Variants in LIN54 observed in about 807,000 individuals in gnomAD.
LIN54 encodes lin-54 DREAM MuvB core complex component, also known as protein lin-54 homolog.
LIN54 carries 9 observed loss-of-function variants against 78.7 expected under a neutral mutation model. The ratio of observed to expected loss-of-function variants is 0.11; its 90% CI spans 0.07 to 0.20. LIN54 has a LOEUF of 0.20. Ranked by LOEUF, LIN54 falls within the 10% of genes least tolerant of loss-of-function variation. The pLI is 1.00. For synonymous variants in LIN54, 269 were observed against 318.4 expected (o/e 0.84, Z 1.65); for missense variants, 573 against 889.9 (o/e 0.64, Z 4.53).
At chr4:82,989,807 A>C (rs1438552326) in intron 1 of LIN54, among the ~76,000 whole-genome samples, 2 of 152,182 alleles carry the variant, frequency 1.3e-5, no homozygotes, top group African/African-American at 4.8e-5. Context: ...CAGCTCAACC[A>C]AACTTCTAAG....
At chr4:82,969,391 T>C (rs542612940) in intron 4 of LIN54, among the ~76,000 whole-genome samples, 1 of 152,220 alleles carries the variant, frequency 6.6e-6, no homozygotes, top group Admixed American at 6.5e-5. Flanking sequence ...CTTATCTTAT[T>C]CATGTTTTAT....
chr4:82,968,724 A>C (rs980726862), intron 4 of LIN54, among the ~76,000 whole-genome samples: 2 of 152,210 alleles, frequency 1.3e-5, no homozygotes, highest in Non-Finnish European at 2.9e-5. Flanking sequence ...AACTGCAGCC[A>C]AGGTTGAGAA....
Position 82,938,393 on chromosome 4 carries a change from C to G in LIN54, c.1532+20G>C. The G allele has an allele frequency of 7.5e-7, 1 of 1,340,084 alleles. No homozygotes were observed. The highest frequency in any genetic ancestry group is 1.1e-6 in the Non-Finnish European group (1 of 931,916). 83.0% of individuals were successfully genotyped at this position (1,340,084 alleles called of 1,614,324 possible). A position where few individuals can be genotyped will look rare whatever the true frequency, so the allele number is the denominator to read the frequency against. On this transcript the variant is annotated intron_variant, in intron 8 of 12. Transcript: ENST00000340417. ...TTAAGCTGATCTAACAACTTATGTA[C>G]CTATTTTCAAAATACTCACCCATTG...
At position 82,946,370 on chromosome 4, in the gene LIN54, T is replaced by G. The variant is rs772814326; in HGVS notation, c.1056A>C (p.Gln352His). ...CATAATGAAACTTGCTTCCAGGCAC[T>G]TGAATCTGCTGGACATTGGGAGCAG... ...LATAPNVQQI[Q>H]VPGSKFHYVR... Residue 352 changes from glutamine (Q) to histidine (H), a missense_variant, in exon 5 of 13, where the codon CAA becomes CAC. This residue lies in a region of LIN54 where 199 missense variants were observed against 260.9 expected (regional missense o/e 0.76). Transcript: ENST00000340417. 6.2e-7 allele frequency: 1 copy of G among 1,614,168 alleles called. No homozygotes were observed. Among genetic ancestry groups the G allele is most frequent in the Non-Finnish European group, 8.5e-7 (1 of 1,179,990 alleles).
intron 4 of LIN54, among the ~76,000 whole-genome samples, chr4:82,947,207 T>TTATATATATA (rs1207992875): frequency 1.3e-4 from 10 of 76,216 alleles, no homozygotes; most frequent in Admixed American, 6.8e-4. Context: ...AAAAAAAAAT[T>TTATATATATA]TATATATATA....
At chr4:82,965,426 A>G (rs1246081741) in intron 4 of LIN54, among the ~76,000 whole-genome samples, 2 of 152,202 alleles carry the variant, frequency 1.3e-5, no homozygotes, top group African/African-American at 4.8e-5. Flanking sequence ...GAGTGAAAAC[A>G]GTCTGAAATT....
At chr4:82,991,199 A>C (rs1034252648) in intron 1 of LIN54, among the ~76,000 whole-genome samples, 4 of 151,830 alleles carry the variant, frequency 2.6e-5, no homozygotes, top group Admixed American at 2.0e-4. Flanking sequence ...TTGTCTCCCA[A>C]ATAACTATAT....
intron 3 of LIN54, among the ~76,000 whole-genome samples, chr4:82,978,363 C>A (rs1190276095): frequency 6.6e-6 from 1 of 152,068 alleles, no homozygotes; most frequent in African/African-American, 2.4e-5. Context: ...AATACTGAAA[C>A]CAAAAATTCA....
At chr4:82,971,015 T>C (rs556109052) in intron 3 of LIN54, among the ~76,000 whole-genome samples, 2 of 152,292 alleles carry the variant, frequency 1.3e-5, no homozygotes, top group Admixed American at 1.3e-4. Flanking sequence ...AGATTCCATA[T>C]TGTGTTCCCT....
chr4:83,000,702 T>A (rs1578655414), intron 1 of LIN54, among the ~76,000 whole-genome samples: 1 of 151,962 alleles, frequency 6.6e-6, no homozygotes, highest in East Asian at 1.9e-4. Context: ...GGAATGAACA[T>A]CAAGTCTATA....
Position 82,972,062 on chromosome 4 carries a change from G to T in LIN54, c.809-1593C>A, listed in dbSNP as rs1725700944. On this transcript the variant is annotated intron_variant, in intron 3 of 12. Coordinates refer to ENST00000340417, the MANE Select transcript of LIN54 (RefSeq NM_194282.4). The stretch of plus-strand genomic sequence containing the variant: ...AATGCCAAAGTATGCCTTTTGTTTT[G>T]TTTTGTTTTGAGACAGGGGTCTCCC... Among the ~76,000 whole-genome samples the T allele has an allele frequency of 3.3e-5, 5 of 152,160 alleles. No homozygotes were observed. In the South Asian group the frequency reaches 1.0e-3, roughly 32 times the overall value.
At position 82,925,518 on chromosome 4, in the gene LIN54, CAG is replaced by C. The variant is rs1721390721; in HGVS notation, c.*2582_*2583del. The C allele has an allele frequency of 7.5e-6, 1 of 133,714 alleles. No individual in the cohort carries two copies. The allele number at this position is 133,714 out of a possible 1,614,324, so 8.3% of individuals were successfully genotyped here. On this transcript the variant is annotated 3_prime_UTR_variant, in exon 13 of 13. Transcript: ENST00000340417. ...GCTGAGTTTCTGCTCTTAAAAGAAA[CAG>C]TGGGGAAAAAAAGAGAAGACATATT...
At chr4:82,975,457 T>C (rs1726087636) in intron 3 of LIN54, among the ~76,000 whole-genome samples, 1 of 151,940 alleles carries the variant, frequency 6.6e-6, no homozygotes, top group African/African-American at 2.4e-5. Context: ...ATGCCTGTAA[T>C]CCTAGCACTT....
chr4:82,985,899 A>G (rs894585429), intron 1 of LIN54, among the ~76,000 whole-genome samples: 2 of 152,180 alleles, frequency 1.3e-5, no homozygotes, highest in African/African-American at 4.8e-5. Context: ...GCCAATCCCC[A>G]TGAAGAAAAA....
chr4:82,936,194 A>G, intron 10 of LIN54, 76 bp from the exon 11 acceptor site: 6 of 1,565,718 alleles, frequency 3.8e-6, no homozygotes, highest in Non-Finnish European at 5.3e-6. Flanking sequence ...AGGAATTGAT[A>G]ACGTTTCTTT....
chr4:82,984,037 TA>T, intron 2 of LIN54, 123 bp downstream of exon 2: 2 of 695,280 alleles, frequency 2.9e-6, no homozygotes, highest in Non-Finnish European at 4.7e-6. Context: ...CACAATTACA[TA>T]AAACAACATT....
intron 3 of LIN54, among the ~76,000 whole-genome samples, chr4:82,974,858 C>CAA (rs57555387): frequency 1.5e-5 from 2 of 132,026 alleles, no homozygotes; most frequent in Non-Finnish European, 3.2e-5. Flanking sequence ...CAGACTGTCT[C>CAA]AAAAAAAAAA....
intron 3 of LIN54, among the ~76,000 whole-genome samples, chr4:82,978,669 T>C (rs113133987): frequency 2.6e-5 from 4 of 152,234 alleles, no homozygotes; most frequent in African/African-American, 9.6e-5. Flanking sequence ...GCTAGTATCA[T>C]GGTAAATTTC....
chr4:82,955,811 C>T (rs1033789064), intron 4 of LIN54, among the ~76,000 whole-genome samples: 1 of 151,842 alleles, frequency 6.6e-6, no homozygotes, highest in African/African-American at 2.4e-5. Context: ...AAAAGTGTCC[C>T]TATCTTTTCT....
Sources: gnomAD v4.1 joint callset for allele counts (sites outside exome capture counted in the v4.1 genomes callset) on GRCh38, gnomAD v4.1.1 for gene constraint, gnomAD v4.1.1 regional missense constraint, MANE v1.5 for transcripts, NCBI Gene and HGNC (gene_info 2026-07-23, HGNC 2026-07-21) for gene names.